KDM4C: variants seen among roughly 807,000 people sequenced by gnomAD.
KDM4C encodes lysine-specific demethylase 4C.
Under a neutral mutation model 129.3 loss-of-function variants are expected in KDM4C, and 81 were observed. That is an observed-to-expected ratio of 0.63 (90% CI 0.52 to 0.75). KDM4C has a LOEUF of 0.75. KDM4C is among the 30% of genes least tolerant of loss of function. The pLI, the probability that KDM4C is intolerant of heterozygous loss-of-function variation, is 0.00. For synonymous variants in KDM4C, 573 were observed against 456.1 expected, an observed-to-expected ratio of 1.26 and a Z score of -3.26; for missense variants, 1,457 against 1,304.0, an observed-to-expected ratio of 1.12 and a Z score of -1.81.
At chr9:6,866,498 G>C (rs1162476306) in intron 5 of KDM4C, among the ~76,000 whole-genome samples, 2 of 152,144 alleles carry the variant, frequency 1.3e-5, no homozygotes, top group Non-Finnish European at 2.9e-5. Flanking sequence ...CTGCCACTCT[G>C]ATTTGGCATC....
chr9:6,729,204 C>CAA (rs1186478804), intron 1 of KDM4C, among the ~76,000 whole-genome samples: 165 of 31,962 alleles, frequency 5.2e-3, no homozygotes, highest in African/African-American at 5.7e-3. Flanking sequence ...GCTCCGTCTC[C>CAA]AAAAAAAAAA....
chr9:6,899,043 G>T (rs1284520415), intron 8 of KDM4C, among the ~76,000 whole-genome samples: 1 of 151,570 alleles, frequency 6.6e-6, no homozygotes, highest in Non-Finnish European at 1.5e-5. Context: ...TGAGTATGGG[G>T]ATTTTATGTT....
intron 1 of KDM4C, among the ~76,000 whole-genome samples, chr9:6,759,334 A>G (rs1249269174): frequency 6.6e-6 from 1 of 152,120 alleles, no homozygotes; most frequent in Non-Finnish European, 1.5e-5. Flanking sequence ...AACGGTGACT[A>G]ATATTCTCAT....
At chr9:7,114,871 C>T (rs1157956677) in intron 18 of KDM4C, among the ~76,000 whole-genome samples, 3 of 151,924 alleles carry the variant, frequency 2.0e-5, no homozygotes, top group African/African-American at 7.3e-5. Context: ...TTTGGGAGGC[C>T]GAGGCGATAT....
rs1382900438 is a variant in KDM4C at position 6,997,516 on chromosome 9, C to A, written c.1786+6992C>A. Among the ~76,000 whole-genome samples, 8 of 152,234 alleles carry A rather than the reference C, an allele frequency of 5.3e-5. No individual in the cohort carries two copies. In the East Asian group the frequency reaches 1.5e-3, roughly 29 times the overall value. On this transcript the variant is annotated intron_variant, in intron 12 of 21. Transcript: ENST00000381309. ...CCATGTGGTCAAGTTTATACCTCTT[C>A]TTCTAAGTGAGAAATTTAAAATGCA...
intron 8 of KDM4C, among the ~76,000 whole-genome samples, chr9:6,948,775 A>C (rs1827475470): frequency 6.6e-6 from 1 of 152,248 alleles, no homozygotes; most frequent in African/African-American, 2.4e-5. Flanking sequence ...GACACAGCAC[A>C]TGTTTCAGAG....
chr9:6,912,570 A>G (rs928702306), intron 8 of KDM4C, among the ~76,000 whole-genome samples: 7 of 152,266 alleles, frequency 4.6e-5, no homozygotes, highest in Non-Finnish European at 8.8e-5. Flanking sequence ...GAAAGTAAAG[A>G]AAACCCATGT....
Position 7,144,737 on chromosome 9 carries a change from TG to T in KDM4C, c.2781+16504del, listed in dbSNP as rs559835076. Among the ~76,000 whole-genome samples, 31 of 152,374 alleles carry T rather than the reference TG, an allele frequency of 2.0e-4. No individual in the cohort carries two copies. The East Asian group carries it at 5.6e-3, about 27-fold the overall frequency. ...GACAGGAGTACATGCTCAGTCAGCT[TG>T]GGTGAAGTGGAGAGTGAAAATGCTG... On this transcript the variant is annotated intron_variant, in intron 19 of 21. Coordinates refer to ENST00000381309, the MANE Select transcript of KDM4C (RefSeq NM_015061.6).
chr9:7,086,200 C>G (rs566913977), intron 17 of KDM4C, among the ~76,000 whole-genome samples: 98 of 152,240 alleles, frequency 6.4e-4, no homozygotes, highest in African/African-American at 2.3e-3. Context: ...ATATTTGATC[C>G]TAGAGCAAAC....
intron 2 of KDM4C, among the ~76,000 whole-genome samples, chr9:6,801,379 G>A (rs1262938829): frequency 6.7e-6 from 1 of 149,596 alleles, no homozygotes; most frequent in Admixed American, 6.8e-5. Context: ...GACTACAGGT[G>A]CCTGCCACCA....
At chr9:6,862,912 G>T (rs1841223367) in intron 5 of KDM4C, among the ~76,000 whole-genome samples, 1 of 152,090 alleles carries the variant, frequency 6.6e-6, no homozygotes, top group Non-Finnish European at 1.5e-5. Context: ...TCATTGTGGT[G>T]GAACTTTATA....
At chr9:6,989,055 T>A (rs1196582487) in intron 11 of KDM4C, among the ~76,000 whole-genome samples, 1 of 152,262 alleles carries the variant, frequency 6.6e-6, no homozygotes, top group African/African-American at 2.4e-5. Context: ...TAGCTCCAGC[T>A]ATGACAACGG....
At chr9:7,082,509 G>T (rs1353288783) in intron 17 of KDM4C, among the ~76,000 whole-genome samples, 2 of 152,176 alleles carry the variant, frequency 1.3e-5, no homozygotes, top group Non-Finnish European at 2.9e-5. Context: ...AAGGGATATG[G>T]CTTTTTCAGT....
At chr9:7,150,120 C>G (rs1842594663) in intron 19 of KDM4C, among the ~76,000 whole-genome samples, 1 of 152,232 alleles carries the variant, frequency 6.6e-6, no homozygotes, top group Non-Finnish European at 1.5e-5. Context: ...GACTGACCAG[C>G]TATGCGAGCC....
At chr9:7,047,168 C>G (rs1185021818) in intron 16 of KDM4C, among the ~76,000 whole-genome samples, 1 of 151,960 alleles carries the variant, frequency 6.6e-6, no homozygotes, top group Non-Finnish European at 1.5e-5. Context: ...CTCTTTTACT[C>G]ACAGAGTTTT....
At chr9:6,995,725 G>A (rs1023290636) in intron 12 of KDM4C, among the ~76,000 whole-genome samples, 6 of 151,928 alleles carry the variant, frequency 3.9e-5, no homozygotes, top group Non-Finnish European at 7.4e-5. Context: ...AGGCTGGAGT[G>A]CAGTGGCGCA....
At chr9:6,841,257 A>T (rs1034051275) in intron 4 of KDM4C, among the ~76,000 whole-genome samples, 8 of 151,980 alleles carry the variant, frequency 5.3e-5, no homozygotes, top group African/African-American at 1.9e-4. Flanking sequence ...TGGCACTGAA[A>T]CTCAGGAGAA....
intron 17 of KDM4C, among the ~76,000 whole-genome samples, chr9:7,056,362 A>AT (rs397687686): frequency 6.6e-6 from 1 of 151,912 alleles, no homozygotes; most frequent in Non-Finnish European, 1.5e-5. Flanking sequence ...AAAAAAAAAA[A>AT]GTACATTAGT....
At chr9:6,789,473 G>C (rs531947771) in intron 1 of KDM4C, among the ~76,000 whole-genome samples, 1 of 152,168 alleles carries the variant, frequency 6.6e-6, no homozygotes, top group Non-Finnish European at 1.5e-5. Context: ...ACCCACCTCA[G>C]CCTCCCAAAG....
Sources: allele counts gnomAD v4.1 joint callset (sites outside exome capture counted in the v4.1 genomes callset), GRCh38; gene constraint gnomAD v4.1.1; transcripts MANE v1.5; gene names NCBI Gene and HGNC (gene_info 2026-07-23, HGNC 2026-07-21).